CNTN4: variants seen among roughly 807,000 people sequenced by gnomAD.
CNTN4 encodes the protein contactin-4.
A neutral mutation model predicts 122.5 loss-of-function variants in CNTN4; 77 were observed. The observed-to-expected ratio is 0.63, with a 90% CI of 0.52 to 0.76. CNTN4 has a LOEUF of 0.76. Ranked by LOEUF, CNTN4 falls within the 30% of genes least tolerant of loss-of-function variation. The pLI, the probability that CNTN4 is intolerant of heterozygous loss-of-function variation, is 0.00. For synonymous variants in CNTN4, 512 were observed against 447.0 expected (o/e 1.15, Z -1.83); for missense variants, 1,256 against 1,259.1 (o/e 1.00, Z 0.04).
At chr3:2,201,087 G>A (rs1351505237) in intron 2 of CNTN4, among the ~76,000 whole-genome samples, 3 of 152,164 alleles carry the variant, frequency 2.0e-5, no homozygotes, top group African/African-American at 7.2e-5. Flanking sequence ...GGAGAGCAAA[G>A]GCACGAATAG....
chr3:2,936,899 T>C (rs550646583), intron 13 of CNTN4, among the ~76,000 whole-genome samples: 14 of 152,328 alleles, frequency 9.2e-5, no homozygotes, highest in African/African-American at 3.1e-4. Flanking sequence ...GACACAGCCA[T>C]ACTCATTCAT....
intron 12 of CNTN4, among the ~76,000 whole-genome samples, chr3:2,915,543 T>A (rs535344209): frequency 2.5e-4 from 38 of 152,356 alleles, no homozygotes; most frequent in Admixed American, 2.2e-3. Context: ...AATACTAGGT[T>A]AAATAGAAGT....
rs142084758 is a variant in CNTN4, at chr3:2,429,162, T to C, written c.-89+89929T>C. Reference sequence around the variant, plus strand: ...CTTTGAAGGCAAAGAGGCCCTCTGATTTTTAGAATTTTCAGGTTTTCTGCT... The same window carrying C: ...CTTTGAAGGCAAAGAGGCCCTCTGACTTTTAGAATTTTCAGGTTTTCTGCT... On this transcript the variant is annotated intron_variant, in intron 3 of 24. Coordinates refer to ENST00000418658, the MANE Select transcript of CNTN4 (RefSeq NM_175607.3). 4.6e-3 allele frequency among the ~76,000 whole-genome samples: 706 copies of C among 152,316 alleles called. 6 individuals are homozygous for C. Among genetic ancestry groups the C allele is most frequent in the African/African-American group, 0.016 (661 of 41,560 alleles).
intron 6 of CNTN4, among the ~76,000 whole-genome samples, chr3:2,749,063 A>G (rs1272450954): frequency 2.6e-5 from 4 of 152,148 alleles, no homozygotes; most frequent in Non-Finnish European, 4.4e-5. Flanking sequence ...ACCCTGTCTA[A>G]CATAACAAGC....
intron 2 of CNTN4, among the ~76,000 whole-genome samples, chr3:2,119,940 C>G (rs1416869640): frequency 6.6e-6 from 1 of 151,976 alleles, no homozygotes; most frequent in African/African-American, 2.4e-5. Flanking sequence ...ATAATGTGGG[C>G]AGGATCTAGT....
At chr3:3,034,127 A>G (rs1290452142) in intron 16 of CNTN4, among the ~76,000 whole-genome samples, 2 of 152,160 alleles carry the variant, frequency 1.3e-5, no homozygotes, top group Admixed American at 1.3e-4. Flanking sequence ...GTGCAGAGCA[A>G]CACTGTAACC....
At chr3:2,580,087 A>C (rs1247019958) in intron 4 of CNTN4, among the ~76,000 whole-genome samples, 2 of 152,004 alleles carry the variant, frequency 1.3e-5, no homozygotes, top group African/African-American at 4.8e-5. Context: ...ATGTACATGT[A>C]ATTGTGGGTA....
intron 12 of CNTN4, among the ~76,000 whole-genome samples, chr3:2,915,593 G>T (rs2094345058): frequency 6.6e-6 from 1 of 152,126 alleles, no homozygotes; most frequent in South Asian, 2.1e-4. Context: ...TGATCTTAGA[G>T]AAAAAGCTTT....
chr3:2,545,309 C>T (rs1401657354), intron 3 of CNTN4, among the ~76,000 whole-genome samples: 2 of 151,946 alleles, frequency 1.3e-5, no homozygotes, highest in Non-Finnish European at 2.9e-5. Flanking sequence ...GAGTATGTGT[C>T]ATGTGGAGAT....
At chr3:2,967,358 C>G (rs1461009014) in intron 13 of CNTN4, among the ~76,000 whole-genome samples, 1 of 152,096 alleles carries the variant, frequency 6.6e-6, no homozygotes, top group Non-Finnish European at 1.5e-5. Flanking sequence ...GATATTATCC[C>G]CAAGAGCAGT....
At chr3:3,022,071 CAAAA>C (rs36094888) in intron 14 of CNTN4, among the ~76,000 whole-genome samples, 11 of 110,576 alleles carry the variant, frequency 9.9e-5, no homozygotes, top group Admixed American at 1.9e-4. Flanking sequence ...ACCAAGAATT[CAAAA>C]AAAAAAAAAA....
At chr3:2,869,186 A>T (rs866094557) in intron 8 of CNTN4, among the ~76,000 whole-genome samples, 27 of 152,336 alleles carry the variant, frequency 1.8e-4, no homozygotes, top group African/African-American at 6.3e-4. Context: ...AGCGAATTGT[A>T]TGCAAAAGAG....
chr3:2,440,819 A>G (rs943053801), intron 3 of CNTN4, among the ~76,000 whole-genome samples: 2 of 148,092 alleles, frequency 1.4e-5, no homozygotes, highest in Non-Finnish European at 3.0e-5. Context: ...ATATTCATAC[A>G]TATATAACTA....
At chr3:2,404,289 C>A (rs193230522) in intron 3 of CNTN4, among the ~76,000 whole-genome samples, 1 of 152,278 alleles carries the variant, frequency 6.6e-6, no homozygotes, top group Admixed American at 6.5e-5. Context: ...TCGTGACAGG[C>A]CTTTCCCCTT....
intron 3 of CNTN4, among the ~76,000 whole-genome samples, chr3:2,344,525 G>A (rs185405623): frequency 2.7e-4 from 41 of 152,128 alleles, no homozygotes; most frequent in Admixed American, 2.4e-3. Context: ...TGATCCACCC[G>A]CTTCAGCCTC....
At chr3:2,585,154 A>G (rs1464238584) in intron 4 of CNTN4, among the ~76,000 whole-genome samples, 2 of 152,188 alleles carry the variant, frequency 1.3e-5, no homozygotes, top group East Asian at 3.8e-4. Context: ...ATTTTTCACT[A>G]CTGATGATGG....
chr3:2,354,560 T>C (rs2044787794), intron 3 of CNTN4, among the ~76,000 whole-genome samples: 1 of 152,046 alleles, frequency 6.6e-6, no homozygotes, highest in Admixed American at 6.5e-5. Context: ...TTTTGAACCT[T>C]AAGTGAAAGG....
intron 2 of CNTN4, among the ~76,000 whole-genome samples, chr3:2,204,287 CCAAA>C (rs1420013260): frequency 3.3e-5 from 5 of 152,114 alleles, no homozygotes; most frequent in South Asian, 2.1e-4. Context: ...TTAATTATTC[CCAAA>C]CATTCAATAC....
intron 4 of CNTN4, among the ~76,000 whole-genome samples, chr3:2,605,019 T>C (rs1200647807): frequency 6.6e-6 from 1 of 152,212 alleles, no homozygotes; most frequent in Non-Finnish European, 1.5e-5. Context: ...TTTAAACATT[T>C]ATTTAGAGAC....
Sources: gnomAD v4.1 joint callset for allele counts (sites outside exome capture counted in the v4.1 genomes callset) on GRCh38, gnomAD v4.1.1 for gene constraint, MANE v1.5 for transcripts, NCBI Gene and HGNC (gene_info 2026-07-23, HGNC 2026-07-21) for gene names.